The following FNDC3A variants were observed in gnomAD, a reference collection of about 807,000 sequenced individuals.
FNDC3A encodes the protein fibronectin type-III domain-containing protein 3A.
A neutral mutation model predicts 148.9 loss-of-function variants in FNDC3A; 32 were observed. The ratio of observed to expected loss-of-function variants is 0.21; its 90% CI spans 0.16 to 0.29. The LOEUF (loss-of-function observed/expected upper bound fraction) is 0.29. Among genes scored for constraint, FNDC3A ranks in the 10% least tolerant of loss-of-function variants. The probability of loss-of-function intolerance (pLI) is 1.00; values close to 1 mark genes in which losing one functional copy is unlikely to be tolerated. For synonymous variants in FNDC3A, 472 were observed against 473.6 expected, an observed-to-expected ratio of 1.00 and a Z score of 0.04; for missense variants, 1,191 against 1,452.8, an observed-to-expected ratio of 0.82 and a Z score of 2.93.
At chr13:49,198,605 T>C in intron 23 of FNDC3A, 31 bp downstream of exon 23, 1 of 1,514,236 alleles carries the variant, frequency 6.6e-7, no homozygotes, top group Non-Finnish European at 9.2e-7. Flanking sequence ...CTTTATATAG[T>C]TTCTTAGGTC....
chr13:49,158,470 TC>T (rs1310188272), intron 8 of FNDC3A, among the ~76,000 whole-genome samples: 1 of 152,184 alleles, frequency 6.6e-6, no homozygotes, highest in Non-Finnish European at 1.5e-5. Context: ...AATGCAGAAA[TC>T]ACCAGTCTTC....
Position 49,080,716 on chromosome 13 carries a change from AAG to A in FNDC3A, c.175+5355_175+5356del, listed in dbSNP as rs1158522571. On this transcript the variant is annotated intron_variant, in intron 3 of 25. Transcript: ENST00000492622. Reference sequence around the variant, plus strand: ...ACTACCTTCTTAGTTTTATGTTGTGAAGAGTTATGAAAAATAGGGAATTAGGC... The same window carrying A: ...ACTACCTTCTTAGTTTTATGTTGTGAAGTTATGAAAAATAGGGAATTAGGC... Among the ~76,000 whole-genome samples, 8 of 152,276 alleles carry A rather than the reference AAG, an allele frequency of 5.3e-5. No individual in the cohort carries two copies. The East Asian group carries it at 1.3e-3, about 26-fold the overall frequency.
At chr13:49,110,068 G>A (rs1880447088) in intron 3 of FNDC3A, among the ~76,000 whole-genome samples, 1 of 152,134 alleles carries the variant, frequency 6.6e-6, no homozygotes, top group Non-Finnish European at 1.5e-5. Flanking sequence ...ATATATTTCT[G>A]AAAAGTATAC....
In FNDC3A at chr13:49,040,475, T is replaced by C. The variant is rs1874839875; in HGVS notation, c.99+34186T>C. Among the ~76,000 whole-genome samples the C allele has an allele frequency of 2.6e-5, 4 of 152,124 alleles. No individual in the cohort carries two copies. The South Asian group carries it at 8.3e-4, about 32-fold the overall frequency. ...GGTCTTCAAAATGCCACCAAATCTA[T>C]TGCTAGAAATGAAAGAAGTGAAAGA... On this transcript the variant is annotated intron_variant, in intron 2 of 25. Coordinates refer to ENST00000492622, the MANE Select transcript of FNDC3A (RefSeq NM_001079673.2).
intron 2 of FNDC3A, among the ~76,000 whole-genome samples, chr13:49,038,202 A>G (rs1323010843): frequency 6.6e-6 from 1 of 152,020 alleles, no homozygotes; most frequent in African/African-American, 2.4e-5. Context: ...TGGGATTTAT[A>G]TGGGTACAGG....
In FNDC3A at chr13:49,137,517, G is replaced by A. The variant is rs1453184189; in HGVS notation, c.760+916G>A. ...ATGCCACCACGCCCAACTACTTTTT[G>A]TATTTTTAGTAGAGACAGGGTTTCA... On this transcript the variant is annotated intron_variant, in intron 6 of 25. Transcript: ENST00000492622. Among the ~76,000 whole-genome samples, 3 of 152,008 alleles carry A rather than the reference G, an allele frequency of 2.0e-5. No individual in the cohort carries two copies. In the East Asian group the frequency reaches 5.8e-4, roughly 30 times the overall value.
chr13:49,027,117 G>C (rs1873772165), intron 2 of FNDC3A, among the ~76,000 whole-genome samples: 2 of 152,022 alleles, frequency 1.3e-5, no homozygotes, highest in African/African-American at 2.4e-5. Context: ...TTTACAGATG[G>C]ACAAACTAAA....
intron 3 of FNDC3A, among the ~76,000 whole-genome samples, chr13:49,110,784 A>C (rs958493289): frequency 1.1e-4 from 16 of 152,198 alleles, no homozygotes; most frequent in African/African-American, 3.6e-4. Context: ...TTTAAAAAAA[A>C]CCTCTTAAAT....
intron 2 of FNDC3A, among the ~76,000 whole-genome samples, chr13:49,036,096 G>A (rs1350095019): frequency 3.0e-4 from 46 of 152,008 alleles, no homozygotes; most frequent in Admixed American, 3.0e-3. Flanking sequence ...GAATTGATAG[G>A]ATATTCAAAT....
intron 3 of FNDC3A, among the ~76,000 whole-genome samples, chr13:49,103,967 A>AG (rs1375324735): frequency 6.6e-6 from 1 of 152,194 alleles, no homozygotes; most frequent in Non-Finnish European, 1.5e-5. Flanking sequence ...GAATAAGGGA[A>AG]GTGGACCAAG....
chr13:48,999,395 T>C (rs1471261473), intron 1 of FNDC3A, among the ~76,000 whole-genome samples: 1 of 152,344 alleles, frequency 6.6e-6, no homozygotes, highest in South Asian at 2.1e-4. Flanking sequence ...TGTCCCACGA[T>C]TGTCTTTTGC....
At chr13:49,063,907 T>A (rs1234632657) in intron 2 of FNDC3A, among the ~76,000 whole-genome samples, 1 of 152,260 alleles carries the variant, frequency 6.6e-6, no homozygotes, top group African/African-American at 2.4e-5. Context: ...GCAAAACAAA[T>A]TTTTTTATTT....
At chr13:49,166,275 G>A (rs1884456666) in intron 8 of FNDC3A, among the ~76,000 whole-genome samples, 1 of 152,202 alleles carries the variant, frequency 6.6e-6, no homozygotes, top group Admixed American at 6.5e-5. Flanking sequence ...TCCTTGGAGT[G>A]CATGAAGATG....
chr13:49,078,325 A>G (rs1878252363), intron 3 of FNDC3A, among the ~76,000 whole-genome samples: 1 of 152,196 alleles, frequency 6.6e-6, no homozygotes, highest in African/African-American at 2.4e-5. Context: ...AGCCTATCTA[A>G]TTTATAATGT....
At chr13:48,992,171 TAGAA>T (rs1566177892) in intron 1 of FNDC3A, among the ~76,000 whole-genome samples, 1 of 152,172 alleles carries the variant, frequency 6.6e-6, no homozygotes, top group Non-Finnish European at 1.5e-5. Context: ...CAATGGAAAG[TAGAA>T]AGAATGTAAA....
At chr13:49,045,769 C>A in intron 2 of FNDC3A, 2 of 559,424 alleles carry the variant, frequency 3.6e-6, no homozygotes, top group Non-Finnish European at 3.1e-6. Flanking sequence ...GACAGCATAG[C>A]ATCTGATTTT....
At chr13:49,083,668 G>T (rs190046785) in intron 3 of FNDC3A, among the ~76,000 whole-genome samples, 1 of 152,102 alleles carries the variant, frequency 6.6e-6, no homozygotes, top group Non-Finnish European at 1.5e-5. Flanking sequence ...TGATCCACCC[G>T]CCTCGGCCTC....
At chr13:49,015,465 G>C (rs1436976382) in intron 2 of FNDC3A, among the ~76,000 whole-genome samples, 1 of 152,180 alleles carries the variant, frequency 6.6e-6, no homozygotes, top group African/African-American at 2.4e-5. Context: ...CTGAGACTTT[G>C]CTGAAGTTGC....
chr13:49,040,095 A>G (rs543563143), intron 2 of FNDC3A, among the ~76,000 whole-genome samples: 2 of 152,350 alleles, frequency 1.3e-5, no homozygotes, highest in African/African-American at 4.8e-5. Flanking sequence ...TTAAAGGTCT[A>G]CATGGTATGG....
Sources: allele counts gnomAD v4.1 joint callset (sites outside exome capture counted in the v4.1 genomes callset), GRCh38; gene constraint gnomAD v4.1.1; transcripts MANE v1.5; gene names NCBI Gene and HGNC (gene_info 2026-07-23, HGNC 2026-07-21).